The following MLXIP variants were observed in gnomAD, a reference collection of about 807,000 sequenced individuals.
MLXIP encodes MLX-interacting protein.
MLXIP carries 30 observed loss-of-function variants against 87.2 expected under a neutral mutation model. The ratio of observed to expected loss-of-function variants is 0.34; its 90% CI spans 0.26 to 0.47. The LOEUF (loss-of-function observed/expected upper bound fraction) is 0.47. MLXIP is among the 20% of genes least tolerant of loss of function. The pLI is 1.00. For missense variants in MLXIP, 1,002 were observed against 1,240.1 expected (o/e 0.81, Z 2.88); for synonymous variants, 530 against 514.0 (o/e 1.03, Z -0.42).
At chr12:122,138,332 G>A in intron 13 of MLXIP, 37 bp downstream of exon 13, 1 of 1,612,042 alleles carries the variant, frequency 6.2e-7, no homozygotes, top group Non-Finnish European at 8.5e-7. Flanking sequence ...GCAGGGCAGG[G>A]GAGCTGGCAG....
chr12:122,133,372 C>A lies in MLXIP; in HGVS notation c.1117C>A (p.Leu373Ile), dbSNP rs116275220. 2.3e-3 allele frequency: 3,600 copies of A among 1,585,166 alleles called. 76 individuals carry two copies. The African/African-American group carries it at 0.043, about 19-fold the overall frequency. Residue 373 changes from leucine to isoleucine, a missense_variant, in exon 9 of 17, where the codon CTC becomes ATC. Physicochemically the swap from Leu to Ile is conservative, Grantham distance 5. Coordinates refer to ENST00000319080, the MANE Select transcript of MLXIP (RefSeq NM_014938.6). This position sits in a 1 kb window ranked among gnomAD's most constrained non-coding sequence, Gnocchi z 4.9. ...AQESILPTTA[L>I]PTVSLPDSLI... ...GGAGAGCATCCTGCCGACCACAGCC[C>A]TCCCCACTGTGAGCCTTCCTGACAG...
chr12:122,094,535 G>T (rs984158469), intron 1 of MLXIP, among the ~76,000 whole-genome samples: 8 of 144,912 alleles, frequency 5.5e-5, no homozygotes, highest in Non-Finnish European at 7.6e-5. Flanking sequence ...GTTGTGTGTG[G>T]TGTGTTGGTG....
Position 122,078,767 on chromosome 12 carries a change from G to C in MLXIP, c.-87G>C, listed in dbSNP as rs556974215. 5 of 999,184 alleles carry C rather than the reference G, an allele frequency of 5.0e-6. No homozygotes were observed. The highest frequency in any genetic ancestry group is 5.9e-5 in the Admixed American group (1 of 16,916). 61.9% of individuals were successfully genotyped at this position (999,184 alleles called of 1,614,324 possible). ...GCGCGCTCGCGGACAGTCGGCGCGC[G>C]GGCCGGGCCGGGCCGGCGCCCCTCT... is the stretch of plus-strand genomic sequence containing the variant. On this transcript the variant is annotated 5_prime_UTR_variant, in exon 1 of 17. Transcript: ENST00000319080.
intron 1 of MLXIP, among the ~76,000 whole-genome samples, chr12:122,112,485 A>G (rs574473231): frequency 3.3e-5 from 5 of 152,106 alleles, no homozygotes; most frequent in East Asian, 1.9e-4. Context: ...AAAAATATAT[A>G]TATAAAAAAA....
chr12:122,135,608 G>T lies in MLXIP; in HGVS notation c.1974G>T (p.Gly658=). The change falls in exon 11 of 17, where the codon GGG becomes GGT. Residue 658 remains glycine (G), a synonymous_variant. Coordinates refer to ENST00000319080, the MANE Select transcript of MLXIP (RefSeq NM_014938.6). This position sits in a 1 kb window ranked among gnomAD's most constrained non-coding sequence, Gnocchi z 5.3. The stretch of plus-strand genomic sequence containing the variant: ...CAAGCACAGCGCAAGACCCCCTGGG[G>T]AAGGGCGAGCAGGTCCCGCTGCATG... ...LFPSTAQDPL[G]KGEQVPLHGG... The T allele has an allele frequency of 6.3e-7, 1 of 1,577,610 alleles. No individual in the cohort carries two copies. The highest frequency in any genetic ancestry group is 1.2e-5 in the South Asian group (1 of 85,036).
intron 1 of MLXIP, among the ~76,000 whole-genome samples, chr12:122,115,631 A>G (rs1643905964): frequency 6.6e-6 from 1 of 151,626 alleles, no homozygotes; most frequent in African/African-American, 2.4e-5. Flanking sequence ...CTACACAAAT[A>G]TGTAACCTAC....
At chr12:122,086,997 C>T (rs951990119) in intron 1 of MLXIP, among the ~76,000 whole-genome samples, 2 of 152,168 alleles carry the variant, frequency 1.3e-5, no homozygotes, top group East Asian at 1.9e-4. Flanking sequence ...CTGGATCCGC[C>T]CAGCTTGAGC....
At position 122,137,452 on chromosome 12, in the gene MLXIP, G is replaced by A; in HGVS notation, c.2033-17G>A. On this transcript the variant is annotated splice_polypyrimidine_tract_variant and intron_variant, in intron 11 of 16. Coordinates refer to ENST00000319080, the MANE Select transcript of MLXIP (RefSeq NM_014938.6). This position sits in a 1 kb window ranked among gnomAD's most constrained non-coding sequence, Gnocchi z 4.1. ...GGGGCCAGGCCTCCGCCCCTCAGAGGAGTCTGTTCTTACCAGGTCGGGACT... is the reference window on the plus strand; with the variant it reads ...GGGGCCAGGCCTCCGCCCCTCAGAGAAGTCTGTTCTTACCAGGTCGGGACT... 2 of 1,610,802 alleles carry A rather than the reference G, an allele frequency of 1.2e-6. No individual in the cohort carries two copies. Among genetic ancestry groups the A allele is most frequent in the Non-Finnish European group, 1.7e-6 (2 of 1,178,406 alleles).
At position 122,142,238 on chromosome 12, in the gene MLXIP, G is replaced by C; in HGVS notation, c.*426G>C. 1 of 699,602 alleles carries C rather than the reference G, an allele frequency of 1.4e-6. No homozygotes were observed. The highest frequency in any genetic ancestry group is 2.7e-5 in the East Asian group (1 of 37,128). The allele number at this position is 699,602 out of a possible 1,614,324, so 43.3% of individuals were successfully genotyped here. A position where few individuals can be genotyped will look rare whatever the true frequency, so the allele number is the denominator to read the frequency against. On this transcript the variant is annotated 3_prime_UTR_variant, in exon 17 of 17. Transcript: ENST00000319080. ...CCTGCCACGTCCTGTCCACATGCAT[G>C]CCTCTGCCTGATGCCCTGCTCCACT...
intron 1 of MLXIP, among the ~76,000 whole-genome samples, chr12:122,104,679 A>C (rs1208687131): frequency 6.7e-6 from 1 of 149,238 alleles, no homozygotes; most frequent in East Asian, 2.0e-4. Flanking sequence ...TCCCGGGTTC[A>C]AGCAATTCTC....
Position 122,144,666 on chromosome 12 carries a change from A to C in MLXIP, c.*2854A>C, listed in dbSNP as rs1206495572. ...TTTGGTAGGCCAAGGCGGGTGGATC[A>C]CCTGCAGTCAGGAGTTCACAACCAG... On this transcript the variant is annotated 3_prime_UTR_variant, in exon 17 of 17. Coordinates refer to ENST00000319080, the MANE Select transcript of MLXIP (RefSeq NM_014938.6). 1 of 152,188 alleles carries C rather than the reference A, an allele frequency of 6.6e-6. No individual in the cohort carries two copies. The highest frequency in any genetic ancestry group is 1.5e-5 in the Non-Finnish European group (1 of 68,036). The allele number at this position is 152,188 out of a possible 1,614,324, so 9.4% of individuals were successfully genotyped here.
chr12:122,131,023 C>T, intron 7 of MLXIP, 90 bp downstream of exon 7: 1 of 874,540 alleles, frequency 1.1e-6, no homozygotes, highest in Non-Finnish European at 1.9e-6. Context: ...AGAGGCGAGA[C>T]TTGGTAGAAT....
At chr12:122,115,294 A>T (rs60746592) in intron 1 of MLXIP, among the ~76,000 whole-genome samples, 1 of 151,968 alleles carries the variant, frequency 6.6e-6, no homozygotes. Flanking sequence ...ATTCTAAAGA[A>T]AAACCAGTAG....
chr12:122,138,790 G>C (rs765760855), intron 14 of MLXIP, 25 bp from the exon 15 acceptor site: 2 of 1,609,904 alleles, frequency 1.2e-6, no homozygotes, highest in Non-Finnish European at 1.7e-6. Flanking sequence ...CTGCTCCACA[G>C]CTCCCACGGC....
intron 5 of MLXIP, 137 bp from the exon 6 acceptor site, chr12:122,129,804 T>A: frequency 7.7e-7 from 1 of 1,306,100 alleles, no homozygotes; most frequent in Non-Finnish European, 1.1e-6. Context: ...AGGGAGCCGC[T>A]CTCCAAATGC....
At chr12:122,079,366 C>A in intron 1 of MLXIP, 100 bp downstream of exon 1, 1 of 1,066,660 alleles carries the variant, frequency 9.4e-7, no homozygotes, top group Non-Finnish European at 1.4e-6. Flanking sequence ...TGGCTTCATG[C>A]ATTCCCTTTG....
chr12:122,114,739 T>TC (rs1952661362), intron 1 of MLXIP, among the ~76,000 whole-genome samples: 1 of 99,492 alleles, frequency 1.0e-5, no homozygotes, highest in South Asian at 3.2e-4. Flanking sequence ...GGTGACTTCT[T>TC]TTTTTTTTTT....
chr12:122,124,261 C>A (rs1159006683), intron 1 of MLXIP, among the ~76,000 whole-genome samples: 1 of 73,112 alleles, frequency 1.4e-5, no homozygotes, highest in African/African-American at 5.9e-5. Flanking sequence ...GCCGCCCCCC[C>A]GCCCTCAGCC....
Position 122,137,409 on chromosome 12 carries a change from G to T in MLXIP, c.2033-60G>T, listed in dbSNP as rs1953112173. 1 of 1,570,684 alleles carries T rather than the reference G, an allele frequency of 6.4e-7. No homozygotes were observed. Among genetic ancestry groups the T allele is most frequent in the Admixed American group, 1.9e-5 (1 of 52,440 alleles). On this transcript the variant is annotated intron_variant, in intron 11 of 16. Transcript: ENST00000319080. This position sits in a 1 kb window ranked among gnomAD's most constrained non-coding sequence, Gnocchi z 4.1. ...CATAACCCTGCAGAGACCCCAGGCT[G>T]CCTCCTGGTGGCGTTGAGGGGCCAG... is the stretch of plus-strand genomic sequence containing the variant.
Sources: gnomAD v4.1 joint callset for allele counts (sites outside exome capture counted in the v4.1 genomes callset) on GRCh38, gnomAD v4.1.1 for gene constraint, Gnocchi (gnomAD v3.1) non-coding constraint, MANE v1.5 for transcripts, NCBI Gene and HGNC (gene_info 2026-07-23, HGNC 2026-07-21) for gene names.